TMEM163: variants seen among roughly 807,000 people sequenced by gnomAD.
TMEM163 encodes transmembrane protein 163.
In TMEM163, 17 loss-of-function variants were observed where a neutral mutation model predicts 29.3. That is an observed-to-expected ratio of 0.58 (90% CI 0.40 to 0.87). The LOEUF is 0.87. TMEM163 is among the 40% of genes least tolerant of loss of function. TMEM163 has a pLI of 0.00. For synonymous variants in TMEM163, 157 were observed against 160.6 expected, an observed-to-expected ratio of 0.98 and a Z score of 0.17; for missense variants, 303 against 381.5, an observed-to-expected ratio of 0.79 and a Z score of 1.71.
At chr2:134,699,843 A>G (rs1197576700) in intron 2 of TMEM163, among the ~76,000 whole-genome samples, 1 of 151,980 alleles carries the variant, frequency 6.6e-6, no homozygotes. Context: ...GGGTGGTTGG[A>G]ACTTTTGTTT....
At chr2:134,615,949 G>A (rs114971268) in intron 2 of TMEM163, among the ~76,000 whole-genome samples, 2,193 of 152,246 alleles carry the variant, frequency 0.014, 63 homozygotes, top group African/African-American at 0.05. Flanking sequence ...GAGCCACCAT[G>A]CCCAGCCTAA....
chr2:134,596,151 C>T (rs1682077479), intron 2 of TMEM163, among the ~76,000 whole-genome samples: 1 of 152,112 alleles, frequency 6.6e-6, no homozygotes, highest in Non-Finnish European at 1.5e-5. Context: ...CTTTTGTTGC[C>T]ATTGCTTTTG....
chr2:134,713,142 T>G, intron 2 of TMEM163, 58 bp downstream of exon 2: 1 of 1,582,194 alleles, frequency 6.3e-7, no homozygotes, highest in South Asian at 1.2e-5. Flanking sequence ...CCACAGGAAT[T>G]AGAGAATAAA....
At chr2:134,558,039 A>G (rs777117945) in intron 2 of TMEM163, among the ~76,000 whole-genome samples, 1 of 152,150 alleles carries the variant, frequency 6.6e-6, no homozygotes, top group African/African-American at 2.4e-5. Flanking sequence ...AATATCAACA[A>G]AGGTCTAAAA....
intron 2 of TMEM163, among the ~76,000 whole-genome samples, chr2:134,702,720 T>A (rs1334660886): frequency 2.6e-5 from 4 of 151,756 alleles, no homozygotes; most frequent in East Asian, 1.9e-4. Flanking sequence ...AGCTGGAAAA[T>A]TTTTTAAAGA....
chr2:134,575,577 T>C (rs991247083), intron 2 of TMEM163, among the ~76,000 whole-genome samples: 1 of 152,186 alleles, frequency 6.6e-6, no homozygotes, highest in Non-Finnish European at 1.5e-5. Context: ...TGGGTCACGC[T>C]TTCATGAGAT....
chr2:134,601,466 G>T (rs1558960303), intron 2 of TMEM163, among the ~76,000 whole-genome samples: 1 of 152,266 alleles, frequency 6.6e-6, no homozygotes, highest in Admixed American at 6.5e-5. Context: ...AAGCCAGTGA[G>T]GTGGAAACCA....
In TMEM163 at chr2:134,505,239, C is replaced by CCTTTTTTTTTTTT. The variant is rs373282805; in HGVS notation, c.459-2243_459-2242insAAAAAAAAAAAAG. On this transcript the variant is annotated intron_variant, in intron 4 of 7. Coordinates refer to ENST00000281924, the MANE Select transcript of TMEM163 (RefSeq NM_030923.5). ...CACATTGTACTCACCTGGGGAATTC[C>CCTTTTTTTTTTTT]TTTTTTTTTTTTTTTTTTTTTTAAA... Among the ~76,000 whole-genome samples, 3 of 130,234 alleles carry CCTTTTTTTTTTTT rather than the reference C, an allele frequency of 2.3e-5. 1 individual carries two copies. Among genetic ancestry groups the CCTTTTTTTTTTTT allele is most frequent in the African/African-American group, 6.0e-5 (2 of 33,252 alleles). 85.4% of individuals were successfully genotyped at this position (130,234 alleles called of 152,430 possible).
At chr2:134,577,963 T>C (rs567052447) in intron 2 of TMEM163, among the ~76,000 whole-genome samples, 230 of 152,234 alleles carry the variant, frequency 1.5e-3, no homozygotes, top group Middle Eastern at 3.4e-3. Context: ...CAAAATACTA[T>C]CCCATTTCAC....
At chr2:134,521,471 C>A (rs577997466) in intron 4 of TMEM163, among the ~76,000 whole-genome samples, 2 of 152,136 alleles carry the variant, frequency 1.3e-5, no homozygotes, top group African/African-American at 4.8e-5. Context: ...AGGGATGCTG[C>A]GATGCACAGG....
rs1187964387 is a variant in TMEM163, at chr2:134,527,186, T to C, written c.458+23384A>G. 2.6e-5 allele frequency among the ~76,000 whole-genome samples: 4 copies of C among 152,350 alleles called. No homozygotes were observed. The South Asian group carries it at 6.2e-4, about 24-fold the overall frequency. ...TCTCATCTTCTTGGTGATTATATCA[T>C]GTCTCTTCCATCTCCTTTCACTTGC... is the stretch of plus-strand genomic sequence containing the variant. On this transcript the variant is annotated intron_variant, in intron 4 of 7. Coordinates refer to ENST00000281924, the MANE Select transcript of TMEM163 (RefSeq NM_030923.5).
intron 2 of TMEM163, among the ~76,000 whole-genome samples, chr2:134,639,911 C>G (rs1002248959): frequency 6.6e-6 from 1 of 152,196 alleles, no homozygotes; most frequent in African/African-American, 2.4e-5. Flanking sequence ...CCGCTTCTTT[C>G]AGATATTAAA....
At chr2:134,497,606 A>C (rs1323573930) in intron 5 of TMEM163, among the ~76,000 whole-genome samples, 1 of 152,184 alleles carries the variant, frequency 6.6e-6, no homozygotes, top group African/African-American at 2.4e-5. Context: ...TTCCTTTGTA[A>C]AGCGTGCGAC....
intron 6 of TMEM163, among the ~76,000 whole-genome samples, chr2:134,459,805 G>T (rs1033080986): frequency 6.6e-6 from 1 of 151,374 alleles, no homozygotes. Flanking sequence ...CCACCTGAGT[G>T]TCCCAGGCTC....
chr2:134,456,659 C>T lies in TMEM163; in HGVS notation c.*57G>A. 6.3e-7 allele frequency: 1 copy of T among 1,587,152 alleles called. No homozygotes were observed. The highest frequency in any genetic ancestry group is 8.6e-7 in the Non-Finnish European group (1 of 1,158,322). On this transcript the variant is annotated 3_prime_UTR_variant, in exon 8 of 8. Coordinates refer to ENST00000281924, the MANE Select transcript of TMEM163 (RefSeq NM_030923.5). ...CAGATGTTCAGTTAAATATTGGCAC[C>T]CTTTGCCTATGTGGAAACTCCTCAT...
intron 2 of TMEM163, among the ~76,000 whole-genome samples, chr2:134,602,240 A>AT (rs1423178495): frequency 7.9e-5 from 12 of 152,216 alleles, no homozygotes; most frequent in African/African-American, 2.4e-4. Context: ...CACCAATTCC[A>AT]TTTTCCATTC....
At chr2:134,533,925 C>T (rs1362809404) in intron 4 of TMEM163, among the ~76,000 whole-genome samples, 1 of 152,148 alleles carries the variant, frequency 6.6e-6, no homozygotes, top group Non-Finnish European at 1.5e-5. Flanking sequence ...TGAAGTTTCA[C>T]CAAAGGTTGA....
chr2:134,505,023 T>A (rs1328764745), intron 4 of TMEM163, among the ~76,000 whole-genome samples: 1 of 152,168 alleles, frequency 6.6e-6, no homozygotes, highest in Non-Finnish European at 1.5e-5. Flanking sequence ...TTCCTCCCTA[T>A]GAGCACATGT....
intron 5 of TMEM163, among the ~76,000 whole-genome samples, chr2:134,497,406 T>C (rs1679594417): frequency 1.3e-5 from 2 of 152,108 alleles, no homozygotes; most frequent in Admixed American, 6.5e-5. Context: ...ATAATGATAA[T>C]CAGCATTATT....
Sources: allele counts gnomAD v4.1 joint callset (sites outside exome capture counted in the v4.1 genomes callset), GRCh38; gene constraint gnomAD v4.1.1; transcripts MANE v1.5; gene names NCBI Gene and HGNC (gene_info 2026-07-23, HGNC 2026-07-21).